Variants in MACROD2 observed in about 807,000 individuals in gnomAD.
The protein encoded by MACROD2 is mono-ADP ribosylhydrolase 2.
Under a neutral mutation model 70.4 loss-of-function variants are expected in MACROD2, and 36 were observed. The observed-to-expected ratio is 0.51, with a 90% CI of 0.39 to 0.68. The LOEUF (loss-of-function observed/expected upper bound fraction) is 0.68. Among genes scored for constraint, MACROD2 ranks in the 30% least tolerant of loss-of-function variants. The pLI is 0.00. For missense variants in MACROD2, 496 were observed against 538.4 expected, an observed-to-expected ratio of 0.92 and a Z score of 0.78; for synonymous variants, 172 against 178.8, an observed-to-expected ratio of 0.96 and a Z score of 0.30.
chr20:15,162,268 G>A (rs557552732), intron 5 of MACROD2, among the ~76,000 whole-genome samples: 3 of 152,172 alleles, frequency 2.0e-5, no homozygotes, highest in South Asian at 2.1e-4. Context: ...GGAGTGGTAA[G>A]TAAGAGCTGA....
intron 8 of MACROD2, among the ~76,000 whole-genome samples, chr20:15,548,966 A>C (rs2048060557): frequency 6.6e-6 from 1 of 152,196 alleles, no homozygotes; most frequent in African/African-American, 2.4e-5. Context: ...AGATCAGTCA[A>C]GCCTCAAAGG....
chr20:14,299,784 C>A (rs988208986), intron 3 of MACROD2, among the ~76,000 whole-genome samples: 1 of 152,130 alleles, frequency 6.6e-6, no homozygotes, highest in Non-Finnish European at 1.5e-5. Flanking sequence ...TTGTGGAATC[C>A]TCTGAACAGA....
intron 6 of MACROD2, among the ~76,000 whole-genome samples, chr20:15,401,042 C>G (rs530924145): frequency 4.8e-5 from 7 of 145,038 alleles, no homozygotes; most frequent in Non-Finnish European, 3.0e-5. Flanking sequence ...GCAGCTTGTT[C>G]TTTTTTTTTT....
At chr20:15,267,293 C>A (rs2077304172) in intron 6 of MACROD2, among the ~76,000 whole-genome samples, 1 of 152,116 alleles carries the variant, frequency 6.6e-6, no homozygotes, top group South Asian at 2.1e-4. Context: ...AGGGAAGGGT[C>A]CCCCAGAGGT....
At chr20:15,068,941 A>G (rs1158066663) in intron 5 of MACROD2, among the ~76,000 whole-genome samples, 2 of 152,190 alleles carry the variant, frequency 1.3e-5, no homozygotes, top group Admixed American at 1.3e-4. Flanking sequence ...GACAAGGGAA[A>G]GTTTGCAACT....
intron 5 of MACROD2, among the ~76,000 whole-genome samples, chr20:14,987,088 G>C (rs898269316): frequency 1.4e-4 from 22 of 152,052 alleles, no homozygotes; most frequent in Non-Finnish European, 2.1e-4. Context: ...TTGTCTTAGG[G>C]CCTATTTAAA....
intron 2 of MACROD2, among the ~76,000 whole-genome samples, chr20:14,005,384 T>G (rs1215483231): frequency 1.3e-5 from 2 of 152,342 alleles, no homozygotes; most frequent in African/African-American, 4.8e-5. Context: ...ATTTCTAGAC[T>G]TACATATTTC....
chr20:15,303,203 TAC>T (rs925419691), intron 6 of MACROD2, among the ~76,000 whole-genome samples: 1 of 152,338 alleles, frequency 6.6e-6, no homozygotes, highest in East Asian at 1.9e-4. Context: ...ATTTCAATTT[TAC>T]AGTCTCTATT....
intron 8 of MACROD2, among the ~76,000 whole-genome samples, chr20:15,515,928 T>C (rs2146520602): frequency 6.6e-6 from 1 of 152,326 alleles, no homozygotes; most frequent in South Asian, 2.1e-4. Flanking sequence ...TTGTCTAAAA[T>C]GGGAAGCTTA....
chr20:15,221,113 T>C (rs747073476), intron 5 of MACROD2, among the ~76,000 whole-genome samples: 7 of 152,176 alleles, frequency 4.6e-5, no homozygotes, highest in Non-Finnish European at 8.8e-5. Flanking sequence ...CTAATATTCA[T>C]TCATTTTACC....
At chr20:15,199,888 C>G (rs2076640796) in intron 5 of MACROD2, among the ~76,000 whole-genome samples, 1 of 151,998 alleles carries the variant, frequency 6.6e-6, no homozygotes, top group African/African-American at 2.4e-5. Context: ...CATCAGGGGA[C>G]AGGAATATAA....
At chr20:15,781,637 G>C (rs900261479) in intron 8 of MACROD2, among the ~76,000 whole-genome samples, 1 of 152,086 alleles carries the variant, frequency 6.6e-6, no homozygotes, top group Non-Finnish European at 1.5e-5. Flanking sequence ...TTTAATGGGG[G>C]CCTCAATCCC....
chr20:15,224,062 G>T (rs534127259), intron 5 of MACROD2, among the ~76,000 whole-genome samples: 124 of 152,286 alleles, frequency 8.1e-4, no homozygotes, highest in Non-Finnish European at 1.4e-3. Flanking sequence ...CATGAAGAGA[G>T]AAAGATGTCA....
At chr20:15,315,953 CTT>C (rs869174752) in intron 6 of MACROD2, among the ~76,000 whole-genome samples, 1 of 151,920 alleles carries the variant, frequency 6.6e-6, no homozygotes, top group East Asian at 1.9e-4. Context: ...TTTGGACACT[CTT>C]TTTATCTATT....
At chr20:14,054,795 A>G (rs997289527) in intron 2 of MACROD2, among the ~76,000 whole-genome samples, 2 of 152,192 alleles carry the variant, frequency 1.3e-5, no homozygotes, top group Non-Finnish European at 2.9e-5. Flanking sequence ...CAATGGGGCC[A>G]GAAAACTCTG....
At chr20:15,877,952 C>T (rs2064699077) in intron 9 of MACROD2, among the ~76,000 whole-genome samples, 1 of 152,114 alleles carries the variant, frequency 6.6e-6, no homozygotes, top group African/African-American at 2.4e-5. Flanking sequence ...TTTCAGGTGT[C>T]TGTCCATTTT....
chr20:14,680,442 G>A (rs993520740), intron 4 of MACROD2, among the ~76,000 whole-genome samples: 5 of 152,066 alleles, frequency 3.3e-5, no homozygotes, highest in Non-Finnish European at 5.9e-5. Flanking sequence ...ACTACATCCT[G>A]GCATTAAGGG....
chr20:14,431,371 T>C (rs970039665), intron 3 of MACROD2, among the ~76,000 whole-genome samples: 1 of 152,070 alleles, frequency 6.6e-6, no homozygotes, highest in Non-Finnish European at 1.5e-5. Flanking sequence ...GGGATGGAGC[T>C]TAGAAGAAAG....
chr20:14,120,367 A>T (rs2148691755), intron 3 of MACROD2, among the ~76,000 whole-genome samples: 1 of 152,218 alleles, frequency 6.6e-6, no homozygotes, highest in Non-Finnish European at 1.5e-5. Context: ...AAAAGTCAGG[A>T]AACAAAAGAT....
Sources: gnomAD v4.1 joint callset for allele counts (sites outside exome capture counted in the v4.1 genomes callset) on GRCh38, gnomAD v4.1.1 for gene constraint, MANE v1.5 for transcripts, NCBI Gene and HGNC (gene_info 2026-07-23, HGNC 2026-07-21) for gene names.